PTPRC: variants seen among roughly 807,000 people sequenced by gnomAD.
The protein encoded by PTPRC is receptor-type tyrosine-protein phosphatase C.
PTPRC carries 44 observed loss-of-function variants against 155.9 expected under a neutral mutation model. The ratio of observed to expected loss-of-function variants is 0.28; its 90% confidence interval spans 0.22 to 0.36. The LOEUF is 0.36. Ranked by LOEUF, PTPRC falls within the 10% of genes least tolerant of loss-of-function variation. PTPRC has a pLI of 1.00. For synonymous variants in PTPRC, 525 were observed against 533.1 expected, an observed-to-expected ratio of 0.98 and a Z score of 0.21; for missense variants, 1,401 against 1,564.6, an observed-to-expected ratio of 0.90 and a Z score of 1.76.
chr1:198,730,534 T>C (rs978132438), intron 17 of PTPRC, among the ~76,000 whole-genome samples: 28 of 152,278 alleles, frequency 1.8e-4, no homozygotes, highest in African/African-American at 6.5e-4. Flanking sequence ...AGGATTCATT[T>C]TGATAGGCTG....
chr1:198,710,264 G>A (rs1653225441), intron 11 of PTPRC, among the ~76,000 whole-genome samples: 1 of 152,104 alleles, frequency 6.6e-6, no homozygotes, highest in Admixed American at 6.5e-5. Context: ...CCATAATGAT[G>A]GGTTTATTTC....
chr1:198,714,259 C>G (rs985877832), intron 12 of PTPRC, among the ~76,000 whole-genome samples: 1 of 152,092 alleles, frequency 6.6e-6, no homozygotes, highest in Non-Finnish European at 1.5e-5. Flanking sequence ...TGTCTACACT[C>G]TCTCTACTAG....
chr1:198,730,639 A>G (rs1654343394), intron 17 of PTPRC, among the ~76,000 whole-genome samples: 1 of 152,158 alleles, frequency 6.6e-6, no homozygotes, highest in Non-Finnish European at 1.5e-5. Flanking sequence ...AGTGTCAATG[A>G]AATATTTTAT....
In PTPRC at chr1:198,692,383, A is replaced by G. The variant is rs779855955; in HGVS notation, c.100+10A>G. 7.0e-7 allele frequency: 1 copy of G among 1,437,168 alleles called. No individual in the cohort carries two copies. The highest frequency in any genetic ancestry group is 9.2e-7 in the Non-Finnish European group (1 of 1,084,880). The allele number at this position is 1,437,168 out of a possible 1,614,324, so 89.0% of individuals were successfully genotyped here. A position where few individuals can be genotyped will look rare whatever the true frequency, so the allele number is the denominator to read the frequency against. ...ACACCTTCCCCCACTGGTAAGAATT[A>G]ATATTTATATTTTTACTAATTTTAT... is the stretch of plus-strand genomic sequence containing the variant. On this transcript the variant is annotated intron_variant, in intron 3 of 32. Transcript: ENST00000442510.
chr1:198,714,592 C>T (rs1382251316), intron 12 of PTPRC, among the ~76,000 whole-genome samples: 3 of 152,130 alleles, frequency 2.0e-5, no homozygotes, highest in Non-Finnish European at 4.4e-5. Context: ...AGCTTTGGAC[C>T]ATGCCCTGAC....
At chr1:198,639,521 G>A (rs568795394) in intron 2 of PTPRC, among the ~76,000 whole-genome samples, 180 bp downstream of exon 2, 4 of 152,110 alleles carry the variant, frequency 2.6e-5, no homozygotes, top group African/African-American at 9.6e-5. Context: ...CATTGTTTCT[G>A]TTTACAAAGA....
At chr1:198,679,503 C>G (rs1449722709) in intron 2 of PTPRC, 1 of 154,212 alleles carries the variant, frequency 6.5e-6, no homozygotes, top group African/African-American at 2.4e-5. Flanking sequence ...CACCCGCCCC[C>G]GTGATCCACC....
rs780916589 is a variant in PTPRC at position 198,639,246 on chromosome 1, A to G, written c.-23A>G. ...TTCAGAAGGACGCATGCTGTTTCTT[A>G]GGGACACGGCTGACTTCCAGATATG... On this transcript the variant is annotated 5_prime_UTR_variant, in exon 2 of 33. Transcript: ENST00000442510. The G allele has an allele frequency of 2.5e-6, 4 of 1,610,930 alleles. No individual in the cohort carries two copies. The East Asian group carries it at 8.9e-5, about 36-fold the overall frequency.
At chr1:198,696,669 A>G in intron 3 of PTPRC, 43 bp from the exon 4 acceptor site, 1 of 1,504,356 alleles carries the variant, frequency 6.6e-7, no homozygotes, top group Non-Finnish European at 9.3e-7. Flanking sequence ...GGTATGATTC[A>G]CATATTTATT....
chr1:198,723,724 G>A lies in PTPRC; in HGVS notation c.1720+1248G>A, dbSNP rs141054295. Reference sequence around the variant, plus strand: ...ACAGAACAAAAAGCACAGCATGCTAGCAAGGGAGCCTGGCAGTGGGAATCC... The same window carrying A: ...ACAGAACAAAAAGCACAGCATGCTAACAAGGGAGCCTGGCAGTGGGAATCC... On this transcript the variant is annotated intron_variant, in intron 15 of 32. Coordinates refer to ENST00000442510, the MANE Select transcript of PTPRC (RefSeq NM_002838.5). Among the ~76,000 whole-genome samples the A allele has an allele frequency of 2.0e-3, 304 of 152,316 alleles. 1 individual carries two copies. Among genetic ancestry groups the A allele is most frequent in the African/African-American group, 6.8e-3 (281 of 41,574 alleles).
intron 2 of PTPRC, among the ~76,000 whole-genome samples, chr1:198,670,161 G>C (rs1319290941): frequency 6.6e-6 from 1 of 152,080 alleles, no homozygotes; most frequent in African/African-American, 2.4e-5. Flanking sequence ...ACCTGGTATA[G>C]CTTGACTGGG....
At position 198,740,809 on chromosome 1, in the gene PTPRC, T is replaced by TC. The variant is rs562879724; in HGVS notation, c.2404-1059dup. 9.7e-4 allele frequency among the ~76,000 whole-genome samples: 148 copies of TC among 152,014 alleles called. 3 individuals are homozygous for TC. The highest frequency in any genetic ancestry group is 8.1e-3 in the South Asian group (39 of 4,828). On this transcript the variant is annotated intron_variant, in intron 23 of 32. Coordinates refer to ENST00000442510, the MANE Select transcript of PTPRC (RefSeq NM_002838.5). ...CAACCTATCAAGATTGTAAAATGTC[T>TC]CTTGATAGAGCTGTTTAAAAAACTA... is the stretch of plus-strand genomic sequence containing the variant.
intron 2 of PTPRC, among the ~76,000 whole-genome samples, chr1:198,651,121 C>G (rs1302719815): frequency 6.6e-6 from 1 of 151,754 alleles, no homozygotes; most frequent in Non-Finnish European, 1.5e-5. Context: ...TACATCTTAA[C>G]ATAATTTGTT....
chr1:198,730,973 A>T (rs746764917), intron 17 of PTPRC, among the ~76,000 whole-genome samples: 3 of 152,162 alleles, frequency 2.0e-5, no homozygotes, highest in Non-Finnish European at 4.4e-5. Flanking sequence ...CGACAGCTTA[A>T]ATTCTCTTAC....
At chr1:198,734,790 ACTTTAGGAATAAAAGCCTCT>A (rs1654550942) in intron 22 of PTPRC, among the ~76,000 whole-genome samples, 1 of 151,674 alleles carries the variant, frequency 6.6e-6, no homozygotes, top group South Asian at 2.1e-4. Context: ...ATGTAATGTG[ACTTTAGGAATAAAAGCCTCT>A]CTGTCCCCCT....
Position 198,741,926 on chromosome 1 carries a change from G to C in PTPRC, c.2461G>C (p.Asp821His). ...VTHIQFTSWP[D>H]HGVPEDPHLL... ...TCACATTCAGTTCACCAGCTGGCCA[G>C]ACCACGGGGTGCCTGAGGATCCTCA... The change falls in exon 24 of 33, where the codon GAC (aspartate) becomes CAC (histidine). Residue 821 changes from aspartate to histidine, a missense_variant. This residue lies in a region of PTPRC where 134 missense variants were observed against 204.7 expected (regional missense o/e 0.65). Transcript: ENST00000442510. 1 of 1,612,088 alleles carries C rather than the reference G, an allele frequency of 6.2e-7. No individual in the cohort carries two copies. The highest frequency in any genetic ancestry group is 8.5e-7 in the Non-Finnish European group (1 of 1,178,998).
At chr1:198,726,826 A>C (rs947480083) in intron 15 of PTPRC, among the ~76,000 whole-genome samples, 4 of 146,932 alleles carry the variant, frequency 2.7e-5, no homozygotes, top group Non-Finnish European at 6.0e-5. Flanking sequence ...TAATTATTTC[A>C]TTTGTTCACT....
At chr1:198,669,235 G>A (rs993148002) in intron 2 of PTPRC, among the ~76,000 whole-genome samples, 3 of 152,108 alleles carry the variant, frequency 2.0e-5, no homozygotes, top group Non-Finnish European at 2.9e-5. Context: ...GAGTATGTTT[G>A]GAAATGACTA....
intron 17 of PTPRC, 40 bp from the exon 18 acceptor site, chr1:198,731,577 G>A (rs745417873): frequency 1.4e-6 from 2 of 1,455,502 alleles, no homozygotes; most frequent in Non-Finnish European, 1.9e-6. Flanking sequence ...CCACCTGAAA[G>A]ACACATGTAA....
Sources: allele counts gnomAD v4.1 joint callset (sites outside exome capture counted in the v4.1 genomes callset), GRCh38; gene constraint gnomAD v4.1.1; regional missense constraint gnomAD v4.1.1; transcripts MANE v1.5; gene names NCBI Gene and HGNC (gene_info 2026-07-23, HGNC 2026-07-21).